CCDC17: variants seen among roughly 807,000 people sequenced by gnomAD.
The protein encoded by CCDC17 is coiled-coil domain containing 17, also known as coiled-coil domain-containing protein 17.
In CCDC17, 79 loss-of-function variants were observed where a neutral mutation model predicts 68.0. The ratio of observed to expected loss-of-function variants is 1.16; its 90% CI spans 0.97 to 1.40. CCDC17 has a LOEUF of 1.40. CCDC17 is among the 40% of genes most tolerant of loss of function. The probability of loss-of-function intolerance (pLI) is 0.00; values close to 1 mark genes in which losing one functional copy is unlikely to be tolerated. For synonymous variants in CCDC17, 376 were observed against 337.5 expected (o/e 1.11, Z -1.25); for missense variants, 846 against 811.5 (o/e 1.04, Z -0.52).
rs1644325871 is a variant in CCDC17, at chr1:45,622,941, T to C, written c.656+14A>G. On this transcript the variant is annotated intron_variant, in intron 4 of 12. Coordinates refer to ENST00000528266, the MANE Select transcript of CCDC17 (RefSeq NM_001114938.3). ...GAGCCGCATGTTCCGGGGATCCGCT[T>C]AGTCGGGTCTCACCCTGGCTCCGCC... 1.9e-6 allele frequency: 3 copies of C among 1,594,294 alleles called. No individual in the cohort carries two copies. The highest frequency in any genetic ancestry group is 2.3e-5 in the South Asian group (2 of 88,144).
chr1:45,620,482 C>T (rs1420900448), intron 12 of CCDC17, 49 bp from the exon 13 acceptor site: 1 of 1,492,274 alleles, frequency 6.7e-7, no homozygotes, highest in Non-Finnish European at 8.9e-7. Context: ...AAAGGTTAAG[C>T]ACACAGGTTT....
At position 45,620,087 on chromosome 1, in the gene CCDC17, A is replaced by G; in HGVS notation, c.*188T>C. 1 of 546,970 alleles carries G rather than the reference A, an allele frequency of 1.8e-6. No individual in the cohort carries two copies. Among genetic ancestry groups the G allele is most frequent in the Non-Finnish European group, 3.1e-6 (1 of 321,500 alleles). The allele number at this position is 546,970 out of a possible 1,614,324, so 33.9% of individuals were successfully genotyped here. ...AATCCTTAATCTGTTTTACAAAAAC[A>G]GAAGAGGTACAGAAAAGTTAAGGAC... is the stretch of plus-strand genomic sequence containing the variant. On this transcript the variant is annotated 3_prime_UTR_variant, in exon 13 of 13. Transcript: ENST00000528266.
In CCDC17 at chr1:45,623,211, C is replaced by T; in HGVS notation, c.493+6G>A. 1 of 1,543,680 alleles carries T rather than the reference C, an allele frequency of 6.5e-7. No homozygotes were observed. The highest frequency in any genetic ancestry group is 1.2e-5 in the South Asian group (1 of 83,884). ...GTCCTTGGTCCCCGTCCCCCATCTC[C>T]TTCACCCTCGCCGCGTAGCTGCAGG... is the stretch of plus-strand genomic sequence containing the variant. On this transcript the variant is annotated splice_donor_region_variant and intron_variant, in intron 3 of 12. Transcript: ENST00000528266.
At chr1:45,623,508 G>A (rs1644353567) in intron 2 of CCDC17, 49 bp downstream of exon 2, 1 of 1,548,560 alleles carries the variant, frequency 6.5e-7, no homozygotes, top group African/African-American at 1.4e-5. Flanking sequence ...TACAGGTTTG[G>A]GGAAGACGCT....
rs1644192408 is a variant in CCDC17, at chr1:45,620,049, G to C, written c.*226C>G. 2 of 466,756 alleles carry C rather than the reference G, an allele frequency of 4.3e-6. No individual in the cohort carries two copies. Among genetic ancestry groups the C allele is most frequent in the Admixed American group, 4.3e-5 (1 of 23,090 alleles). The allele number at this position is 466,756 out of a possible 1,614,324, so 28.9% of individuals were successfully genotyped here. A position where few individuals can be genotyped will look rare whatever the true frequency, so the allele number is the denominator to read the frequency against. On this transcript the variant is annotated 3_prime_UTR_variant, in exon 13 of 13. Transcript: ENST00000528266. Reference sequence around the variant, plus strand: ...GTGCCAGACAATATCACAAATACCTGACAAACTCATTTAATCCTTAATCTG... The same window carrying C: ...GTGCCAGACAATATCACAAATACCTCACAAACTCATTTAATCCTTAATCTG...
In CCDC17 at chr1:45,623,901, G is replaced by A. The variant is rs1463320572; in HGVS notation, c.9C>T (p.Ser3=). 2 of 1,516,404 alleles carry A rather than the reference G, an allele frequency of 1.3e-6. No homozygotes were observed. Among genetic ancestry groups the A allele is most frequent in the Non-Finnish European group, 1.8e-6 (2 of 1,132,388 alleles). The allele number at this position is 1,516,404 out of a possible 1,614,324, so 93.9% of individuals were successfully genotyped here. A position where few individuals can be genotyped will look rare whatever the true frequency, so the allele number is the denominator to read the frequency against. The change falls in exon 1 of 13, where the codon TCC becomes TCT. Residue 3 remains serine (S), a synonymous_variant. Coordinates refer to ENST00000528266, the MANE Select transcript of CCDC17 (RefSeq NM_001114938.3). MD[S]HSGEPALLPC... is the part of the protein sequence containing the mutation. ...GCAGGAGCGCAGGCTCCCCAGAGTGGGAGTCCATGGGATGGGACCCGTTTC... is the reference window on the plus strand; with the variant it reads ...GCAGGAGCGCAGGCTCCCCAGAGTGAGAGTCCATGGGATGGGACCCGTTTC...
Position 45,623,243 on chromosome 1 carries a change from C to T in CCDC17, c.467G>A (p.Ser156Asn). The T allele has an allele frequency of 1.9e-6, 3 of 1,545,330 alleles. No individual in the cohort carries two copies. Among genetic ancestry groups the T allele is most frequent in the Non-Finnish European group, 2.6e-6 (3 of 1,146,132 alleles). ...CTCGCCGCGTAGCTGCAGGGCCCGG[C>T]TCTGCGCTTCCATCTCCGCCACGCG... ...ARRVAEMEAQ[S>N]RALQLRGEEL... The change falls in exon 3 of 13, where the codon AGC (serine) becomes AAC (asparagine). Residue 156 changes from serine to asparagine, a missense_variant. Coordinates refer to ENST00000528266, the MANE Select transcript of CCDC17 (RefSeq NM_001114938.3).
Position 45,622,334 on chromosome 1 carries a change from T to G in CCDC17, c.874A>C (p.Thr292Pro). 6.2e-7 allele frequency: 1 copy of G among 1,607,340 alleles called. No homozygotes were observed. Among genetic ancestry groups the G allele is most frequent in the South Asian group, 1.1e-5 (1 of 90,246 alleles). The change falls in exon 7 of 13, where the codon ACC (threonine) becomes CCC (proline). Residue 292 changes from threonine to proline, a missense_variant. Coordinates refer to ENST00000528266, the MANE Select transcript of CCDC17 (RefSeq NM_001114938.3). ...SQTRRGRAGA[T>P]SGELPVVEAE... ...TCCACTACTGGAAGCTCCCCTGAGG[T>G]GGCACCTGCCCTTCCTGCGATGAAC...
rs759048429 is a variant in CCDC17 at position 45,622,597 on chromosome 1, G to A, written c.811C>T (p.Gln271Ter). 15 of 1,555,164 alleles carry A rather than the reference G, an allele frequency of 9.6e-6. No individual in the cohort carries two copies. The highest frequency in any genetic ancestry group is 2.7e-5 in the African/African-American group (2 of 73,192). Residue 271 changes from glutamine (Q) to a stop codon, truncating the protein, a stop_gained, in exon 6 of 13, where the codon CAG (glutamine) becomes TAG (stop). Transcript: ENST00000528266. LOFTEE classifies it high-confidence loss of function. ...AGCTCCAGTGCAGACGCCTCCACCTGCAACTGCCATATCTGGCCCAGCACG... is the reference window on the plus strand; with the variant it reads ...AGCTCCAGTGCAGACGCCTCCACCTACAACTGCCATATCTGGCCCAGCACG... ...PGVLGQIWQL[Q>*]VEASALELQR... is the part of the protein sequence containing the mutation.
chr1:45,623,672 G>C lies in CCDC17; in HGVS notation c.175-20C>G. On this transcript the variant is annotated intron_variant, in intron 1 of 12. Transcript: ENST00000528266. ...CACAACCTGGGGATAGGGTGTAGTA[G>C]GATGAGGAATCATAAAGGTCCTGGC... is the stretch of plus-strand genomic sequence containing the variant. The C allele has an allele frequency of 1.3e-6, 2 of 1,551,594 alleles. No homozygotes were observed. The highest frequency in any genetic ancestry group is 1.7e-6 in the Non-Finnish European group (2 of 1,146,960).
At chr1:45,620,664 C>A in intron 12 of CCDC17, 59 bp downstream of exon 12, 1 of 1,553,196 alleles carries the variant, frequency 6.4e-7, no homozygotes, top group Non-Finnish European at 8.7e-7. Context: ...GGCCGTTAGC[C>A]ATACCAGCCA....
chr1:45,623,989 G>C lies in CCDC17; in HGVS notation c.-80C>G, dbSNP rs1044137332. ...AGGGGAAAGGCAGAGGAGGATGAAA[G>C]AGACATAAAGCCAGAGGCAGAGAGG... is the stretch of plus-strand genomic sequence containing the variant. On this transcript the variant is annotated 5_prime_UTR_variant, in exon 1 of 13. Coordinates refer to ENST00000528266, the MANE Select transcript of CCDC17 (RefSeq NM_001114938.3). The C allele has an allele frequency of 9.5e-5, 96 of 1,015,186 alleles. No individual in the cohort carries two copies. The highest frequency in any genetic ancestry group is 1.2e-4 in the Non-Finnish European group (87 of 703,028). 62.9% of individuals were successfully genotyped at this position (1,015,186 alleles called of 1,614,324 possible).
chr1:45,622,702 G>T, intron 5 of CCDC17, 35 bp from the exon 6 acceptor site: 1 of 1,557,074 alleles, frequency 6.4e-7, no homozygotes, highest in Non-Finnish European at 8.7e-7. Context: ...CGTCTTTCCA[G>T]AACTGCTCAG....
At chr1:45,622,060 TC>T in intron 7 of CCDC17, 65 bp from the exon 8 acceptor site, 1 of 1,485,526 alleles carries the variant, frequency 6.7e-7, no homozygotes. Context: ...GAGATACCCC[TC>T]CCCCAAGAGT....
At position 45,622,835 on chromosome 1, in the gene CCDC17, CT is replaced by C; in HGVS notation, c.657-2del. Reference sequence around the variant, plus strand: ...CTCTCGCCGGGAGCTCAGCGGGTTCCTGGGGTGGCAGGCGACGCGCAGGGAG... The same window carrying C: ...CTCTCGCCGGGAGCTCAGCGGGTTCCGGGGTGGCAGGCGACGCGCAGGGAG... On this transcript the variant is annotated splice_acceptor_variant, in intron 4 of 12. Transcript: ENST00000528266. LOFTEE classifies it high-confidence loss of function. 6.3e-7 allele frequency: 1 copy of C among 1,596,478 alleles called. No homozygotes were observed. Among genetic ancestry groups the C allele is most frequent in the South Asian group, 1.1e-5 (1 of 88,174 alleles).
chr1:45,622,530 G>T lies in CCDC17; in HGVS notation c.859+19C>A, dbSNP rs1348882108. On this transcript the variant is annotated intron_variant, in intron 6 of 12. Transcript: ENST00000528266. ...CCTCCCAGGACTGACCACCGCTGGCGAGAGGCCCTCCTGTTCACCTCTGCG... is the reference window on the plus strand; with the variant it reads ...CCTCCCAGGACTGACCACCGCTGGCTAGAGGCCCTCCTGTTCACCTCTGCG... 1 of 1,549,136 alleles carries T rather than the reference G, an allele frequency of 6.5e-7. No individual in the cohort carries two copies. The highest frequency in any genetic ancestry group is 2.4e-5 in the East Asian group (1 of 40,910).
At chr1:45,620,469 T>C in intron 12 of CCDC17, 36 bp from the exon 13 acceptor site, 5 of 1,511,718 alleles carry the variant, frequency 3.3e-6, no homozygotes, top group Non-Finnish European at 4.4e-6. Flanking sequence ...TGAGCAAAAA[T>C]GTAAAGGTTA....
At position 45,621,273 on chromosome 1, in the gene CCDC17, C is replaced by G. The variant is rs377681851; in HGVS notation, c.1388+8G>C. ...AGAGTACCAGAGTCATGATCCCCAC[C>G]TACTGACCTGGGCACAGGCTGCCTG... On this transcript the variant is annotated splice_region_variant and intron_variant, in intron 10 of 12. Coordinates refer to ENST00000528266, the MANE Select transcript of CCDC17 (RefSeq NM_001114938.3). 3.2e-6 allele frequency: 5 copies of G among 1,567,194 alleles called. No homozygotes were observed. Among genetic ancestry groups the G allele is most frequent in the Non-Finnish European group, 4.3e-6 (5 of 1,155,196 alleles).
chr1:45,621,037 G>A lies in CCDC17; in HGVS notation c.1465C>T (p.Gln489Ter). The A allele has an allele frequency of 6.2e-7, 1 of 1,614,014 alleles. No individual in the cohort carries two copies. The highest frequency in any genetic ancestry group is 8.5e-7 in the Non-Finnish European group (1 of 1,179,886). The change falls in exon 11 of 13, where the codon CAG becomes TAG. Residue 489 changes from glutamine (Q) to a stop codon, truncating the protein, a stop_gained. Transcript: ENST00000528266. LOFTEE classifies it high-confidence loss of function. The part of the protein sequence containing the change: ...WQGLAWARAP[Q>*]PKAWVSLGLF... ...CCAAGTGAGACCCAAGCCTTTGGCT[G>A]TGGTGCCCTAGCCCATGCTAGCCCC...
Sources: gnomAD v4.1 joint callset for allele counts on GRCh38, gnomAD v4.1.1 for gene constraint, MANE v1.5 for transcripts, NCBI Gene and HGNC (gene_info 2026-07-23, HGNC 2026-07-21) for gene names.